SLC27A1: variants seen among roughly 807,000 people sequenced by gnomAD.
The protein encoded by SLC27A1 is solute carrier family 27 member 1.
SLC27A1 carries 61 observed loss-of-function variants against 62.2 expected under a neutral mutation model. That is an observed-to-expected ratio of 0.98 (90% CI 0.80 to 1.21). SLC27A1 has a LOEUF of 1.21. Ranked by LOEUF, SLC27A1 falls within the 50% of genes most tolerant of loss-of-function variation. The pLI, the probability that SLC27A1 is intolerant of heterozygous loss-of-function variation, is 0.00. For synonymous variants in SLC27A1, 435 were observed against 408.6 expected (o/e 1.06, Z -0.78); for missense variants, 903 against 932.1 (o/e 0.97, Z 0.41).
chr19:17,480,707 G>T (rs2075168888), intron 1 of SLC27A1, among the ~76,000 whole-genome samples: 1 of 151,780 alleles, frequency 6.6e-6, no homozygotes, highest in Non-Finnish European at 1.5e-5. Context: ...ATTTTAGGCT[G>T]CAGGTTGCAC....
At chr19:17,483,714 C>A (rs996064474) in intron 1 of SLC27A1, among the ~76,000 whole-genome samples, 20 of 152,252 alleles carry the variant, frequency 1.3e-4, no homozygotes, top group African/African-American at 4.8e-4. Flanking sequence ...GGCCCCTGCC[C>A]ACCTCAGACT....
At position 17,501,393 on chromosome 19, in the gene SLC27A1, G is replaced by A. The variant is rs753386784; in HGVS notation, c.1757G>A (p.Arg586His). Reference protein sequence around the residue: ...LAPYARPIFLRLLPQVDTTGT... With the variant: ...LAPYARPIFLHLLPQVDTTGT... ...CCCTATGCCCGGCCCATCTTCCTGC[G>A]CCTCCTGCCCCAGGTGGACACCACA... The change falls in exon 11 of 12, where the codon CGC becomes CAC. Residue 586 changes from arginine to histidine, a missense_variant. By Grantham distance (29) the Arg-to-His change is conservative. Coordinates refer to ENST00000252595, the MANE Select transcript of SLC27A1 (RefSeq NM_198580.3). The A allele has an allele frequency of 6.2e-6, 10 of 1,613,408 alleles. No individual in the cohort carries two copies. The highest frequency in any genetic ancestry group is 5.0e-5 in the Admixed American group (3 of 59,982).
chr19:17,469,725 T>C (rs962699586), upstream of SLC27A1, among the ~76,000 whole-genome samples: 30 of 145,070 alleles, frequency 2.1e-4, no homozygotes, highest in African/African-American at 6.2e-4. Context: ...GGGGCCTAGG[T>C]CCTAGGGGGG....
Position 17,486,688 on chromosome 19 carries a change from C to T in SLC27A1, c.293C>T (p.Ala98Val), listed in dbSNP as rs867992648. The T allele has an allele frequency of 1.2e-6, 2 of 1,611,062 alleles. No individual in the cohort carries two copies. The highest frequency in any genetic ancestry group is 8.5e-7 in the Non-Finnish European group (1 of 1,179,590). The change falls in exon 2 of 12, where the codon GCC becomes GTC. Residue 98 changes from alanine (A) to valine (V), a missense_variant. Coordinates refer to ENST00000252595, the MANE Select transcript of SLC27A1 (RefSeq NM_198580.3). This position sits in a 1 kb window ranked among gnomAD's most constrained non-coding sequence, Gnocchi z 6.6. Reference protein sequence around the residue: ...RQPERLALVDAGTGECWTFAQ... With the variant: ...RQPERLALVDVGTGECWTFAQ... Reference sequence around the variant, plus strand: ...CCCGAGCGCCTGGCGCTGGTGGATGCCGGGACCGGCGAGTGCTGGACCTTT... The same window carrying T: ...CCCGAGCGCCTGGCGCTGGTGGATGTCGGGACCGGCGAGTGCTGGACCTTT...
At chr19:17,479,816 G>A (rs2075158536) in intron 1 of SLC27A1, among the ~76,000 whole-genome samples, 1 of 151,986 alleles carries the variant, frequency 6.6e-6, no homozygotes, top group Admixed American at 6.6e-5. Context: ...GCTAATTTTT[G>A]TATCTTTAGT....
chr19:17,487,672 G>C (rs2075251179), intron 4 of SLC27A1, 143 bp downstream of exon 4: 1 of 817,374 alleles, frequency 1.2e-6, no homozygotes, highest in East Asian at 2.7e-5. Flanking sequence ...CTGAGCACTT[G>C]CTCTGTGTCC....
chr19:17,478,822 G>A (rs935783859), intron 1 of SLC27A1, among the ~76,000 whole-genome samples: 1 of 151,534 alleles, frequency 6.6e-6, no homozygotes, highest in Non-Finnish European at 1.5e-5. Flanking sequence ...GCAGTGAGCC[G>A]AGATTGTGCC....
rs566141323 is a variant in SLC27A1, at chr19:17,490,892, G to A, written c.996+1775G>A. ...AAAATACAGAAATGTAGCCTGGCGT[G>A]GTGGTTGGTGCCTGTAATCCCAGCT... On this transcript the variant is annotated intron_variant, in intron 6 of 11. Coordinates refer to ENST00000252595, the MANE Select transcript of SLC27A1 (RefSeq NM_198580.3). Among the ~76,000 whole-genome samples, 5 of 152,152 alleles carry A rather than the reference G, an allele frequency of 3.3e-5. No individual in the cohort carries two copies. In the South Asian group the frequency reaches 1.0e-3, roughly 32 times the overall value.
chr19:17,500,331 G>C lies in SLC27A1; in HGVS notation c.1260G>C (p.Arg420=). 6.2e-7 allele frequency: 1 copy of C among 1,614,214 alleles called. No individual in the cohort carries two copies. Among genetic ancestry groups the C allele is most frequent in the Non-Finnish European group, 8.5e-7 (1 of 1,180,030 alleles). Reference sequence around the variant, plus strand: ...TCCTGCCCCACGTGTACCCCATCCGGCTGGTGAAGGTCAATGAGGACACAA... The same window carrying C: ...TCCTGCCCCACGTGTACCCCATCCGCCTGGTGAAGGTCAATGAGGACACAA... ...SRILPHVYPI[R]LVKVNEDTME... The change falls in exon 8 of 12, where the codon CGG becomes CGC. Residue 420 remains arginine, a synonymous_variant. Coordinates refer to ENST00000252595, the MANE Select transcript of SLC27A1 (RefSeq NM_198580.3).
chr19:17,487,229 A>C lies in SLC27A1; in HGVS notation c.618A>C (p.Gly206=), dbSNP rs751977425. 6.2e-7 allele frequency: 1 copy of C among 1,613,994 alleles called. No individual in the cohort carries two copies. The highest frequency in any genetic ancestry group is 1.7e-5 in the Admixed American group (1 of 60,010). The change falls in exon 3 of 12, where the codon GGA becomes GGC. Residue 206 remains glycine (G), a synonymous_variant. Transcript: ENST00000252595. ...LGKSLIKFCS[G]DLGPEGILPD... ...AAAGTTTGATCAAGTTCTGCTCTGG[A>C]GACTTGGGGCCCGAGGGCATCTTGC...
At chr19:17,501,802 C>CA (rs71162147) in intron 11 of SLC27A1, among the ~76,000 whole-genome samples, 49,627 of 65,972 alleles carry the variant, frequency 0.75, 19,526 homozygotes, top group Non-Finnish European at 0.87. Flanking sequence ...TACTCTGTCT[C>CA]AAAAAAAAAA....
chr19:17,470,708 G>T lies in SLC27A1; in HGVS notation c.167+1G>T, dbSNP rs777347224. 4 of 1,581,476 alleles carry T rather than the reference G, an allele frequency of 2.5e-6. No individual in the cohort carries two copies. The highest frequency in any genetic ancestry group is 3.4e-6 in the Non-Finnish European group (4 of 1,169,934). ...GCAAGACCGCGAGGCGAGACCTCTT[G>T]TGAGTGTTGCCGGGATCCGTCCAGG... is the stretch of plus-strand genomic sequence containing the variant. On this transcript the variant is annotated splice_donor_variant, in intron 1 of 11. Coordinates refer to ENST00000252595, the MANE Select transcript of SLC27A1 (RefSeq NM_198580.3). LOFTEE classifies it high-confidence loss of function.
chr19:17,499,456 CTT>C (rs1555747806), intron 7 of SLC27A1: 2 of 152,044 alleles, frequency 1.3e-5, no homozygotes, highest in Non-Finnish European at 1.5e-5. Context: ...TAGTATAACT[CTT>C]GTTGTTTTAT....
At chr19:17,498,530 G>C (rs1359758260) in intron 7 of SLC27A1, 1 of 160,444 alleles carries the variant, frequency 6.2e-6, no homozygotes, top group Non-Finnish European at 1.4e-5. Context: ...ACCAGGCCAG[G>C]CACGGTGGCT....
chr19:17,475,856 TG>T (rs2075117076), intron 1 of SLC27A1, among the ~76,000 whole-genome samples: 1 of 152,262 alleles, frequency 6.6e-6, no homozygotes, highest in Non-Finnish European at 1.5e-5. Context: ...GTCCCCAGGC[TG>T]GGGGTGGCTT....
At chr19:17,502,838 A>G (rs558658636) in intron 11 of SLC27A1, among the ~76,000 whole-genome samples, 1 of 151,312 alleles carries the variant, frequency 6.6e-6, no homozygotes, top group Admixed American at 6.6e-5. Flanking sequence ...GGCAGGCACC[A>G]CCATGCCTGA....
Position 17,486,773 on chromosome 19 carries a change from G to A in SLC27A1, c.378G>A (p.Ala126=), listed in dbSNP as rs761896404. 3.7e-6 allele frequency: 6 copies of A among 1,604,996 alleles called. No homozygotes were observed. The highest frequency in any genetic ancestry group is 2.7e-5 in the African/African-American group (2 of 74,776). ...VANLFRQLGF[A]PGDVVAIFLE... is the part of the protein sequence containing the mutation. Reference sequence around the variant, plus strand: ...ACCTCTTCCGCCAGCTGGGCTTCGCGCCGGGCGACGTGGTGGCCATCTTCC... The same window carrying A: ...ACCTCTTCCGCCAGCTGGGCTTCGCACCGGGCGACGTGGTGGCCATCTTCC... Residue 126 remains alanine (A), a synonymous_variant, in exon 2 of 12, where the codon GCG becomes GCA. Transcript: ENST00000252595. This position sits in a 1 kb window ranked among gnomAD's most constrained non-coding sequence, Gnocchi z 6.6.
Position 17,500,705 on chromosome 19 carries a change from C to T in SLC27A1, c.1472-7C>T, listed in dbSNP as rs2075401758. 2 of 1,614,056 alleles carry T rather than the reference C, an allele frequency of 1.2e-6. No homozygotes were observed. Among genetic ancestry groups the T allele is most frequent in the South Asian group, 2.2e-5 (2 of 91,092 alleles). ...CTCCACCCATCTGCCCCTCTCCCCT[C>T]TGCCAGGTGACGTGCTAGTGATGGA... On this transcript the variant is annotated splice_polypyrimidine_tract_variant and splice_region_variant and intron_variant, in intron 9 of 11. Transcript: ENST00000252595.
Position 17,500,873 on chromosome 19 carries a change from C to A in SLC27A1, c.1633C>A (p.Pro545Thr), listed in dbSNP as rs751036357. Residue 545 changes from proline to threonine, a missense_variant, in exon 10 of 12, where the codon CCA (proline) becomes ACA (threonine). Physicochemically the swap from Pro to Thr is conservative, Grantham distance 38. Coordinates refer to ENST00000252595, the MANE Select transcript of SLC27A1 (RefSeq NM_198580.3). ...TDVAVYGVAVPGVEGKAGMAA... is the reference protein window; with the variant it reads ...TDVAVYGVAVTGVEGKAGMAA... ...CGTGGCCGTCTATGGGGTGGCTGTT[C>A]CAGGCAAGCTGGGGTTGCAGGGGGT... 12 of 1,605,482 alleles carry A rather than the reference C, an allele frequency of 7.5e-6. No individual in the cohort carries two copies. Among genetic ancestry groups the A allele is most frequent in the Non-Finnish European group, 1.0e-5 (12 of 1,177,226 alleles).
Sources: allele counts gnomAD v4.1 joint callset (sites outside exome capture counted in the v4.1 genomes callset), GRCh38; gene constraint gnomAD v4.1.1; non-coding constraint Gnocchi (gnomAD v3.1); transcripts MANE v1.5; gene names NCBI Gene and HGNC (gene_info 2026-07-23, HGNC 2026-07-21).